SENP5: variants seen among roughly 807,000 people sequenced by gnomAD.
The protein encoded by SENP5 is SUMO specific peptidase 5, also known as sentrin-specific protease 5.
In SENP5, 21 loss-of-function variants were observed where a neutral mutation model predicts 74.2. The observed-to-expected ratio is 0.28, with a 90% CI of 0.20 to 0.41. SENP5 has a LOEUF of 0.41. Ranked by LOEUF, SENP5 falls within the 10% of genes least tolerant of loss-of-function variation. The pLI is 1.00. For missense variants in SENP5, 717 were observed against 889.1 expected, an observed-to-expected ratio of 0.81 and a Z score of 2.46; for synonymous variants, 311 against 312.7, an observed-to-expected ratio of 0.99 and a Z score of 0.06.
intron 4 of SENP5, 52 bp downstream of exon 4, chr3:196,900,114 A>G (rs1414914681): frequency 6.4e-7 from 1 of 1,570,572 alleles, no homozygotes; most frequent in African/African-American, 1.4e-5. Context: ...GATGTTAGTC[A>G]ATAAAATATA....
At chr3:196,919,871 A>G (rs1011713523) in intron 6 of SENP5, among the ~76,000 whole-genome samples, 8 of 151,014 alleles carry the variant, frequency 5.3e-5, no homozygotes, top group Non-Finnish European at 1.0e-4. Context: ...CTTTGGCACC[A>G]TTATAGAAAG....
chr3:196,914,564 TAAAAAAAA>T (rs34724979), intron 6 of SENP5: 4 of 26,340 alleles, frequency 1.5e-4, no homozygotes, highest in African/African-American at 2.9e-4. Context: ...AGGTTTGCTT[TAAAAAAAA>T]AAAAAAAAAA....
chr3:196,886,730 A>T, intron 2 of SENP5, 36 bp downstream of exon 2: 7 of 1,473,770 alleles, frequency 4.7e-6, no homozygotes, highest in Non-Finnish European at 6.3e-6. Context: ...TCAAACTCCA[A>T]GCTCACATTT....
rs1170256428 is a variant in SENP5 at position 196,886,128 on chromosome 3, T to G, written c.947T>G (p.Val316Gly). The change falls in exon 2 of 10, where the codon GTG becomes GGG. Residue 316 changes from valine to glycine, a missense_variant. Physicochemically the swap from Val to Gly is moderately radical, Grantham distance 109. Around this residue, in one of 4 missense-constraint regions of SENP5, gnomAD observed 567 missense variants for 577.4 expected, o/e 0.98. Transcript: ENST00000323460. ...YFPDMDSSAV[V>G]KGTNSHVPDC... The stretch of plus-strand genomic sequence containing the variant: ...CCAGATATGGACAGCAGTGCTGTGG[T>G]GAAGGGGACGAACTCTCATGTGCCT... 3 of 1,614,078 alleles carry G rather than the reference T, an allele frequency of 1.9e-6. No individual in the cohort carries two copies. The Admixed American group carries it at 5.0e-5, about 27-fold the overall frequency.
chr3:196,921,120 T>C (rs1715604606), intron 6 of SENP5, among the ~76,000 whole-genome samples: 1 of 152,198 alleles, frequency 6.6e-6, no homozygotes, highest in African/African-American at 2.4e-5. Context: ...CTTTCAGATT[T>C]TGTAATATTT....
Position 196,886,305 on chromosome 3 carries a change from T to C in SENP5, c.1124T>C (p.Ile375Thr), listed in dbSNP as rs1560143602. ...KWECTELIHDIPLPEHRSNTM... is the reference protein window; with the variant it reads ...KWECTELIHDTPLPEHRSNTM... ...GAGTGTACAGAGCTGATTCATGACA[T>C]CCCCTTACCAGAACATCGTTCTAAT... Residue 375 changes from isoleucine to threonine, a missense_variant, in exon 2 of 10, where the codon ATC becomes ACC. Around this residue, in one of 4 missense-constraint regions of SENP5, gnomAD observed 567 missense variants for 577.4 expected, o/e 0.98. Transcript: ENST00000323460. 6.2e-7 allele frequency: 1 copy of C among 1,614,014 alleles called. No homozygotes were observed. Among genetic ancestry groups the C allele is most frequent in the South Asian group, 1.1e-5 (1 of 91,060 alleles).
At chr3:196,876,201 A>T (rs918797463) in intron 1 of SENP5, among the ~76,000 whole-genome samples, 5 of 152,150 alleles carry the variant, frequency 3.3e-5, no homozygotes, top group Non-Finnish European at 2.9e-5. Context: ...ACATGTCCCT[A>T]AGCTTAACAG....
intron 1 of SENP5, among the ~76,000 whole-genome samples, chr3:196,883,495 T>G (rs1296690092): frequency 6.6e-6 from 1 of 152,210 alleles, no homozygotes; most frequent in Admixed American, 6.5e-5. Flanking sequence ...TATACTGGAC[T>G]ATCCTGGGTC....
chr3:196,897,079 A>G (rs1344475911), intron 2 of SENP5, among the ~76,000 whole-genome samples: 1 of 152,206 alleles, frequency 6.6e-6, no homozygotes, highest in South Asian at 2.1e-4. Context: ...GCACCATGAT[A>G]CTAGTTTGAA....
At chr3:196,870,291 G>A (rs1030869014) in intron 1 of SENP5, among the ~76,000 whole-genome samples, 6 of 151,854 alleles carry the variant, frequency 4.0e-5, no homozygotes, top group Admixed American at 1.3e-4. Flanking sequence ...ACTTTTTTTG[G>A]GCGTGGGTAA....
At chr3:196,892,207 G>T (rs1714239443) in intron 2 of SENP5, among the ~76,000 whole-genome samples, 1 of 152,074 alleles carries the variant, frequency 6.6e-6, no homozygotes, top group Non-Finnish European at 1.5e-5. Context: ...GCAGAGGCGT[G>T]ATCTCAGCTC....
intron 5 of SENP5, among the ~76,000 whole-genome samples, chr3:196,901,346 GC>G (rs1356623133): frequency 7.2e-5 from 11 of 151,906 alleles, no homozygotes; most frequent in Non-Finnish European, 1.3e-4. Flanking sequence ...TGCCAGGCCA[GC>G]TTTTTACATT....
chr3:196,886,288 A>G lies in SENP5; in HGVS notation c.1107A>G (p.Thr369=), dbSNP rs767864929. ...SSCSSPKWEC[T]ELIHDIPLPE... ...GTTCTTCTCCTAAGTGGGAGTGTAC[A>G]GAGCTGATTCATGACATCCCCTTAC... The change falls in exon 2 of 10, where the codon ACA becomes ACG. Residue 369 remains threonine (T), a synonymous_variant. Transcript: ENST00000323460. 9 of 1,614,166 alleles carry G rather than the reference A, an allele frequency of 5.6e-6. No individual in the cohort carries two copies. Among genetic ancestry groups the G allele is most frequent in the Non-Finnish European group, 7.6e-6 (9 of 1,180,022 alleles).
chr3:196,914,609 A>G (rs1167274547), intron 6 of SENP5: 3 of 126,854 alleles, frequency 2.4e-5, no homozygotes, highest in Admixed American at 1.6e-4. Flanking sequence ...ATATATATAT[A>G]TATGTCTACA....
chr3:196,918,471 CT>C (rs1252118074), intron 6 of SENP5, among the ~76,000 whole-genome samples: 2 of 150,516 alleles, frequency 1.3e-5, no homozygotes, highest in Non-Finnish European at 3.0e-5. Flanking sequence ...CCTCATGAGG[CT>C]TTTATTTTGA....
chr3:196,891,017 T>A (rs906805101), intron 2 of SENP5, among the ~76,000 whole-genome samples: 2 of 152,202 alleles, frequency 1.3e-5, no homozygotes, highest in African/African-American at 4.8e-5. Context: ...GTAACAGCAT[T>A]GTTCATAATA....
intron 1 of SENP5, among the ~76,000 whole-genome samples, chr3:196,871,594 T>TGTAAATC (rs1713217707): frequency 3.3e-5 from 5 of 152,214 alleles, no homozygotes; most frequent in Non-Finnish European, 7.4e-5. Context: ...GTGCAGTGGC[T>TGTAAATC]CATGCCTGTA....
chr3:196,914,936 A>G (rs1211391480), intron 6 of SENP5, among the ~76,000 whole-genome samples: 1 of 152,122 alleles, frequency 6.6e-6, no homozygotes, highest in Non-Finnish European at 1.5e-5. Context: ...CAGGAGGAAG[A>G]GCAAAATGAT....
At chr3:196,870,494 AATG>A (rs1425401582) in intron 1 of SENP5, among the ~76,000 whole-genome samples, 5 of 152,124 alleles carry the variant, frequency 3.3e-5, no homozygotes, top group African/African-American at 1.2e-4. Context: ...TTTTCTCTAA[AATG>A]ATCATGTTTA....
Sources: allele counts gnomAD v4.1 joint callset (sites outside exome capture counted in the v4.1 genomes callset), GRCh38; gene constraint gnomAD v4.1.1; regional missense constraint gnomAD v4.1.1; transcripts MANE v1.5; gene names NCBI Gene and HGNC (gene_info 2026-07-23, HGNC 2026-07-21).